The following CRTC1 variants were observed in gnomAD, a reference collection of about 807,000 sequenced individuals.
The protein encoded by CRTC1 is CREB-regulated transcription coactivator 1.
CRTC1 carries 18 observed loss-of-function variants against 66.1 expected under a neutral mutation model. The ratio of observed to expected loss-of-function variants is 0.27; its 90% CI spans 0.19 to 0.40. The LOEUF (loss-of-function observed/expected upper bound fraction) is 0.40, where lower values mean the gene tolerates loss of function less well. Among genes scored for constraint, CRTC1 ranks in the 10% least tolerant of loss-of-function variants. The pLI, the probability that CRTC1 is intolerant of heterozygous loss-of-function variation, is 1.00. For synonymous variants in CRTC1, 416 were observed against 398.8 expected, an observed-to-expected ratio of 1.04 and a Z score of -0.51; for missense variants, 669 against 887.9, an observed-to-expected ratio of 0.75 and a Z score of 3.13.
At position 18,777,196 on chromosome 19, in the gene CRTC1, C is replaced by T; in HGVS notation, c.1719C>T (p.Leu573=). The T allele has an allele frequency of 6.2e-7, 1 of 1,600,524 alleles. No individual in the cohort carries two copies. The highest frequency in any genetic ancestry group is 8.5e-7 in the Non-Finnish European group (1 of 1,173,786). Residue 573 remains leucine, a synonymous_variant, in exon 14 of 14, where the codon CTC becomes CTT. Transcript: ENST00000321949. This position sits in a 1 kb window ranked among gnomAD's most constrained non-coding sequence, Gnocchi z 5.5. ...LTVTGESPPS[L]SKELTSSLAG... is the part of the protein sequence containing the mutation. ...TGACAGGAGAGTCCCCCCCCAGCCT[C>T]TCTAAAGAACTGACCAGCTCTCTGG...
rs528584186 is a variant in CRTC1 at position 18,709,814 on chromosome 19, G to A, written c.126+25986G>A. On this transcript the variant is annotated intron_variant, in intron 1 of 13. Transcript: ENST00000321949. ...CTGAGGCCGGGGACAGCTGCCTGGC[G>A]TTCCCTGCCGTGGATGGGCTGCTGC... Among the ~76,000 whole-genome samples the A allele has an allele frequency of 5.2e-4, 79 of 152,280 alleles. 1 individual carries two copies. The South Asian group carries it at 0.012, about 23-fold the overall frequency.
intron 1 of CRTC1, among the ~76,000 whole-genome samples, chr19:18,729,278 T>G (rs993542399): frequency 6.6e-6 from 1 of 150,692 alleles, no homozygotes; most frequent in African/African-American, 2.4e-5. Flanking sequence ...ACAAAAAAAT[T>G]AGCCGGGCGT....
At chr19:18,763,011 C>CTGTA (rs1169137330) in intron 8 of CRTC1, among the ~76,000 whole-genome samples, 3 of 152,366 alleles carry the variant, frequency 2.0e-5, no homozygotes, top group Admixed American at 6.5e-5. Context: ...GTGGCCCCAT[C>CTGTA]AGAGTATAAT....
intron 1 of CRTC1, among the ~76,000 whole-genome samples, chr19:18,709,162 T>C (rs1168761890): frequency 6.6e-6 from 1 of 152,084 alleles, no homozygotes; most frequent in East Asian, 1.9e-4. Context: ...CACCTGGCAG[T>C]GGGCAGAGCA....
chr19:18,743,115 T>C, intron 2 of CRTC1, 89 bp downstream of exon 2: 1 of 1,041,688 alleles, frequency 9.6e-7, no homozygotes, highest in Middle Eastern at 2.1e-4. Context: ...CAGCTGGGGT[T>C]ATCAGACAGT....
chr19:18,759,010 C>T (rs1489815114), intron 6 of CRTC1, among the ~76,000 whole-genome samples: 3 of 152,144 alleles, frequency 2.0e-5, no homozygotes, highest in Admixed American at 6.5e-5. Context: ...TGTGGTACAG[C>T]GTTGGGAGTG....
At chr19:18,757,195 C>T (rs2054509255) in intron 6 of CRTC1, among the ~76,000 whole-genome samples, 2 of 152,206 alleles carry the variant, frequency 1.3e-5, no homozygotes, top group African/African-American at 4.8e-5. Flanking sequence ...TGGGAGGCCT[C>T]ATCCATGGCT....
At chr19:18,696,191 C>T (rs894077573) in intron 1 of CRTC1, among the ~76,000 whole-genome samples, 2 of 152,154 alleles carry the variant, frequency 1.3e-5, no homozygotes, top group African/African-American at 2.4e-5. Flanking sequence ...GGACTAACCC[C>T]GCAGCCTGTG....
chr19:18,711,179 G>T (rs2053382449), intron 1 of CRTC1, among the ~76,000 whole-genome samples: 1 of 152,196 alleles, frequency 6.6e-6, no homozygotes, highest in Non-Finnish European at 1.5e-5. Context: ...TCCCGTCCCA[G>T]GTGGCCTGCT....
chr19:18,686,929 A>G (rs921384945), intron 1 of CRTC1, among the ~76,000 whole-genome samples: 2 of 149,812 alleles, frequency 1.3e-5, no homozygotes, highest in Admixed American at 6.7e-5. Flanking sequence ...ATGCTGCCCA[A>G]CCCCCTACAT....
At chr19:18,704,703 C>T (rs1331930512) in intron 1 of CRTC1, among the ~76,000 whole-genome samples, 3 of 152,140 alleles carry the variant, frequency 2.0e-5, no homozygotes, top group Admixed American at 2.0e-4. Flanking sequence ...CAGAACAAGA[C>T]CCTGTCTCAA....
At chr19:18,727,322 G>A (rs911211667) in intron 1 of CRTC1, among the ~76,000 whole-genome samples, 6 of 151,490 alleles carry the variant, frequency 4.0e-5, no homozygotes, top group East Asian at 3.9e-4. Flanking sequence ...TGGTTCACGC[G>A]TGTAATCCGA....
chr19:18,738,318 AAATAAATAAATG>A (rs2054041804), intron 1 of CRTC1, among the ~76,000 whole-genome samples: 1 of 152,208 alleles, frequency 6.6e-6, no homozygotes, highest in Non-Finnish European at 1.5e-5. Context: ...GCCTGTCTCA[AAATAAATAAATG>A]AATAAATAAA....
intron 1 of CRTC1, among the ~76,000 whole-genome samples, chr19:18,738,980 G>A (rs2054056304): frequency 6.6e-6 from 1 of 152,168 alleles, no homozygotes. Flanking sequence ...GCTGGAGGGA[G>A]TGAGGCTGGG....
chr19:18,761,313 G>A (rs2054609868), intron 8 of CRTC1, among the ~76,000 whole-genome samples: 1 of 152,200 alleles, frequency 6.6e-6, no homozygotes, highest in African/African-American at 2.4e-5. Context: ...CATCCCGGGG[G>A]TGGCAGGCAC....
At chr19:18,765,785 A>T (rs2054719477) in intron 9 of CRTC1, among the ~76,000 whole-genome samples, 1 of 152,030 alleles carries the variant, frequency 6.6e-6, no homozygotes, top group South Asian at 2.1e-4. Context: ...ACATGGTGAA[A>T]CCTCGTCTCT....
chr19:18,687,024 T>TC (rs2052700428), intron 1 of CRTC1, among the ~76,000 whole-genome samples: 2 of 148,738 alleles, frequency 1.3e-5, no homozygotes, highest in South Asian at 4.3e-4. Flanking sequence ...TTTTTTTTTT[T>TC]TTTTTTTTTG....
chr19:18,770,966 G>C (rs953440553), intron 10 of CRTC1, among the ~76,000 whole-genome samples: 1 of 151,238 alleles, frequency 6.6e-6, no homozygotes, highest in African/African-American at 2.4e-5. Flanking sequence ...GTGAGTATGC[G>C]TGTGTGTGCA....
At chr19:18,720,529 T>G (rs866439467) in intron 1 of CRTC1, among the ~76,000 whole-genome samples, 6,733 of 147,920 alleles carry the variant, frequency 0.046, 338 homozygotes, top group African/African-American at 0.12. Flanking sequence ...TTTAGTGTTT[T>G]TTTTTTTTTT....
Sources: allele counts gnomAD v4.1 joint callset (sites outside exome capture counted in the v4.1 genomes callset), GRCh38; gene constraint gnomAD v4.1.1; non-coding constraint Gnocchi (gnomAD v3.1); transcripts MANE v1.5; gene names NCBI Gene and HGNC (gene_info 2026-07-23, HGNC 2026-07-21).